RGS11: variants seen among roughly 807,000 people sequenced by gnomAD.
RGS11 encodes regulator of G-protein signaling 11.
In RGS11, 86 loss-of-function variants were observed where a neutral mutation model predicts 71.1. The ratio of observed to expected loss-of-function variants is 1.21; its 90% CI spans 1.02 to 1.45. The LOEUF is 1.45. Among genes scored for constraint, RGS11 ranks in the 40% most tolerant of loss-of-function variants. The pLI is 0.00. For missense variants in RGS11, 734 were observed against 635.1 expected, an observed-to-expected ratio of 1.16 and a Z score of -1.67; for synonymous variants, 298 against 254.2, an observed-to-expected ratio of 1.17 and a Z score of -1.64.
chr16:272,031 T>C, intron 9 of RGS11: 1 of 396,030 alleles, frequency 2.5e-6, no homozygotes, highest in Non-Finnish European at 3.9e-6. Flanking sequence ...AGACGGGGTT[T>C]CTCCATGTTG....
chr16:275,934 G>A lies in RGS11; in HGVS notation c.-23C>T. ...CATGGCTGCGGGGCGAGGCCGGCGG[G>A]GATGACCGACGTCCCGCCCGGCCCC... On this transcript the variant is annotated 5_prime_UTR_variant, in exon 1 of 17. Transcript: ENST00000397770. 2.7e-6 allele frequency: 1 copy of A among 376,542 alleles called. No homozygotes were observed. The highest frequency in any genetic ancestry group is 2.9e-6 in the Non-Finnish European group (1 of 339,476). The allele number at this position is 376,542 out of a possible 1,614,324, so 23.3% of individuals were successfully genotyped here. A position where few individuals can be genotyped will look rare whatever the true frequency, so the allele number is the denominator to read the frequency against.
intron 8 of RGS11, among the ~76,000 whole-genome samples, chr16:273,197 C>G (rs76267595): frequency 6.6e-6 from 1 of 152,106 alleles, no homozygotes; most frequent in Admixed American, 6.5e-5. Context: ...TGCCTGCTCC[C>G]GAGGCAGAGT....
In RGS11 at chr16:268,672, G is replaced by C; in HGVS notation, c.*597C>G. ...GAAAGCAGGTGCCGGCGCACCTGTG[G>C]ACAAATTCTGGAACGCGTTTGGCGA... On this transcript the variant is annotated 3_prime_UTR_variant, in exon 17 of 17. Transcript: ENST00000397770. 1 of 1,277,990 alleles carries C rather than the reference G, an allele frequency of 7.8e-7. No individual in the cohort carries two copies. Among genetic ancestry groups the C allele is most frequent in the Non-Finnish European group, 1.1e-6 (1 of 921,532 alleles). 79.2% of individuals were successfully genotyped at this position (1,277,990 alleles called of 1,614,324 possible).
In RGS11 at chr16:275,303, T is replaced by C. The variant is rs1307857454; in HGVS notation, c.191A>G (p.Lys64Arg). 6.2e-7 allele frequency: 1 copy of C among 1,612,288 alleles called. No individual in the cohort carries two copies. The highest frequency in any genetic ancestry group is 8.5e-7 in the Non-Finnish European group (1 of 1,179,818). The change falls in exon 3 of 17, where the codon AAG becomes AGG. Residue 64 changes from lysine to arginine, a missense_variant. Transcript: ENST00000397770. ...CTCACCCTCCTCCGAGACGCAGAAC[T>C]TCTGGGCCAACCACTGCACGACGTC... Reference protein sequence around the residue: ...GSDVVQWLAQKFCVSEEEALH... With the variant: ...GSDVVQWLAQRFCVSEEEALH...
chr16:272,968 T>G (rs1436005462), intron 8 of RGS11, 37 bp from the exon 9 acceptor site: 1 of 1,459,138 alleles, frequency 6.9e-7, no homozygotes, highest in East Asian at 2.6e-5. Flanking sequence ...GGGATGCAGT[T>G]CCGGTGGCTG....
Position 275,449 on chromosome 16 carries a change from A to C in RGS11, c.113T>G (p.Met38Arg). The C allele has an allele frequency of 6.3e-7, 1 of 1,597,728 alleles. No individual in the cohort carries two copies. The highest frequency in any genetic ancestry group is 1.7e-5 in the Admixed American group (1 of 59,482). ...SMQDPDQGVK[M>R]RSQRLLVTVI... ...GGTGACCAGCAGGCGCTGGCTCCGCATCTTCACGCCCTGGTCGGGGTCCTG... is the reference window on the plus strand; with the variant it reads ...GGTGACCAGCAGGCGCTGGCTCCGCCTCTTCACGCCCTGGTCGGGGTCCTG... Residue 38 changes from methionine to arginine, a missense_variant, in exon 2 of 17, where the codon ATG becomes AGG. By Grantham distance (91) the Met-to-Arg change is moderately conservative (BLOSUM62 -1). Coordinates refer to ENST00000397770, the MANE Select transcript of RGS11 (RefSeq NM_183337.3).
chr16:273,455 C>A lies in RGS11; in HGVS notation c.588+20G>T. The stretch of plus-strand genomic sequence containing the variant: ...CCTGCGCTGGCCAGCGACCCCCACC[C>A]TCACCGCAGGTGGGCTCACCGGGGG... On this transcript the variant is annotated intron_variant, in intron 8 of 16. Transcript: ENST00000397770. The A allele has an allele frequency of 4.6e-6, 7 of 1,536,224 alleles. No homozygotes were observed. Among genetic ancestry groups the A allele is most frequent in the Non-Finnish European group, 6.2e-6 (7 of 1,137,370 alleles).
intron 15 of RGS11, 41 bp downstream of exon 15, chr16:270,482 G>A: frequency 6.4e-7 from 1 of 1,564,406 alleles, no homozygotes; most frequent in Non-Finnish European, 8.7e-7. Flanking sequence ...GGCCCGTCTG[G>A]GATGACCCCT....
chr16:275,591 G>T, intron 1 of RGS11, 93 bp from the exon 2 acceptor site: 6 of 1,121,268 alleles, frequency 5.4e-6, no homozygotes, highest in Non-Finnish European at 7.4e-6. Flanking sequence ...GGAGCGCGGA[G>T]ATTAACGCGC....
chr16:275,825 G>T, intron 1 of RGS11, 24 bp downstream of exon 1: 2 of 1,042,888 alleles, frequency 1.9e-6, no homozygotes, highest in Non-Finnish European at 2.4e-6. Context: ...TCGGGGGACG[G>T]CGGGACACCC....
intron 9 of RGS11, chr16:272,248 A>G: frequency 8.3e-7 from 1 of 1,207,676 alleles, no homozygotes; most frequent in Non-Finnish European, 1.1e-6. Flanking sequence ...ATTGGTCGGC[A>G]CCTCGCTGGG....
chr16:271,617 G>A, intron 9 of RGS11, 48 bp from the exon 10 acceptor site: 2 of 1,591,968 alleles, frequency 1.3e-6, no homozygotes, highest in South Asian at 2.2e-5. Flanking sequence ...CCCCTGCTGG[G>A]GTCCAAAATC....
chr16:269,678 C>T, intron 15 of RGS11, 93 bp from the exon 16 acceptor site: 1 of 1,000,746 alleles, frequency 1.0e-6, no homozygotes, highest in Non-Finnish European at 1.5e-6. Flanking sequence ...GCTGGAGCCT[C>T]CTCCAGCCAC....
Position 272,924 on chromosome 16 carries a change from G to C in RGS11, c.596C>G (p.Ala199Gly). The C allele has an allele frequency of 1.3e-6, 2 of 1,514,202 alleles. No homozygotes were observed. The highest frequency in any genetic ancestry group is 1.8e-6 in the Non-Finnish European group (2 of 1,126,322). The allele number at this position is 1,514,202 out of a possible 1,614,324, so 93.8% of individuals were successfully genotyped here. The change falls in exon 9 of 17, where the codon GCC becomes GGC. Residue 199 changes from alanine to glycine, a missense_variant. Physicochemically the swap from Ala to Gly is moderately conservative, Grantham distance 60. Coordinates refer to ENST00000397770, the MANE Select transcript of RGS11 (RefSeq NM_183337.3). Reference protein sequence around the residue: ...YWLVNRPPPGAPDVLEQGPGR... With the variant: ...YWLVNRPPPGGPDVLEQGPGR... ...TGGACCCTGCTCCAGCACATCGGGGGCCCCGGGCTGCGGAGGGGAGACGAG... is the reference window on the plus strand; with the variant it reads ...TGGACCCTGCTCCAGCACATCGGGGCCCCCGGGCTGCGGAGGGGAGACGAG...
Position 275,100 on chromosome 16 carries a change from G to A in RGS11, c.212-18C>T, listed in dbSNP as rs2052109122. ...CAGGGCCTCTGGGGAGGGGTGGGAC[G>A]GTGAGCGCGGGGCCGCGGAAGCGGG... On this transcript the variant is annotated intron_variant, in intron 3 of 16. Coordinates refer to ENST00000397770, the MANE Select transcript of RGS11 (RefSeq NM_183337.3). The A allele has an allele frequency of 6.8e-7, 1 of 1,478,144 alleles. No homozygotes were observed. The allele number at this position is 1,478,144 out of a possible 1,614,324, so 91.6% of individuals were successfully genotyped here.
In RGS11 at chr16:274,202, C is replaced by A; in HGVS notation, c.370+12G>T. ...TGGGAACTTGTCTGGGGCCAGCCGT[C>A]CCCTTGCTCACCATAGTCCAGCTCT... On this transcript the variant is annotated intron_variant, in intron 5 of 16. Coordinates refer to ENST00000397770, the MANE Select transcript of RGS11 (RefSeq NM_183337.3). The A allele has an allele frequency of 6.2e-7, 1 of 1,608,234 alleles. No homozygotes were observed. Among genetic ancestry groups the A allele is most frequent in the Non-Finnish European group, 8.5e-7 (1 of 1,177,720 alleles).
chr16:274,677 G>A (rs1263559013), intron 4 of RGS11: 2 of 668,720 alleles, frequency 3.0e-6, no homozygotes, highest in Non-Finnish European at 5.5e-6. Context: ...TCAGGACCTG[G>A]GCCTAGGGAC....
chr16:271,148 C>G lies in RGS11; in HGVS notation c.864-49G>C, dbSNP rs111665551. 883 of 1,598,746 alleles carry G rather than the reference C, an allele frequency of 5.5e-4. 3 individuals are homozygous for G. The African/African-American group carries it at 0.011, about 20-fold the overall frequency. Reference sequence around the variant, plus strand: ...GGGAGGGTGGGGACTGACCCTCCTGCGTCCCCCCAGGCTGGGAGCACACCC... The same window carrying G: ...GGGAGGGTGGGGACTGACCCTCCTGGGTCCCCCCAGGCTGGGAGCACACCC... On this transcript the variant is annotated intron_variant, in intron 12 of 16. Coordinates refer to ENST00000397770, the MANE Select transcript of RGS11 (RefSeq NM_183337.3).
At chr16:269,482 C>T (rs760198104) in intron 16 of RGS11, 21 bp downstream of exon 16, 1 of 1,611,374 alleles carries the variant, frequency 6.2e-7, no homozygotes, top group Non-Finnish European at 8.5e-7. Context: ...CCGCCGGCCA[C>T]AGGGCACTGC....
Sources: gnomAD v4.1 joint callset for allele counts (sites outside exome capture counted in the v4.1 genomes callset) on GRCh38, gnomAD v4.1.1 for gene constraint, MANE v1.5 for transcripts, NCBI Gene and HGNC (gene_info 2026-07-23, HGNC 2026-07-21) for gene names.